Variants in IL1RAPL1 observed in about 807,000 individuals in gnomAD.
The protein encoded by IL1RAPL1 is interleukin 1 receptor accessory protein like 1, also known as interleukin-1 receptor accessory protein-like 1.
Under a neutral mutation model 48.4 loss-of-function variants are expected in IL1RAPL1, and 3 were observed. That is an observed-to-expected ratio of 0.06 (90% CI 0.03 to 0.16). The LOEUF is 0.16. Among genes scored for constraint, IL1RAPL1 ranks in the 10% least tolerant of loss-of-function variants. IL1RAPL1 has a pLI of 1.00. For missense variants in IL1RAPL1, 349 were observed against 530.6 expected (o/e 0.66, Z 3.36); for synonymous variants, 185 against 187.7 (o/e 0.99, Z 0.12).
intron 6 of IL1RAPL1, among the ~76,000 whole-genome samples, chrX:29,761,339 AC>A (rs1439695194): frequency 9.1e-6 from 1 of 110,231 alleles, no homozygotes; most frequent in Non-Finnish European, 1.9e-5. Flanking sequence ...AGTATATGAC[AC>A]CCCCCCACCA....
intron 2 of IL1RAPL1, among the ~76,000 whole-genome samples, chrX:28,839,884 A>T (rs989186694): frequency 1.1e-5 from 1 of 90,781 alleles, no homozygotes; most frequent in Non-Finnish European, 2.0e-5. Context: ...CTCTGTTAAT[A>T]AAAAAAATCA....
Position 29,803,585 on chromosome X carries a change from C to A in IL1RAPL1, c.779-113879C>A, listed in dbSNP as rs778108133. ...TGTATATATGTATACATATATGTAT[C>A]CATATATGTGTGTGTATATATACAC... is the stretch of plus-strand genomic sequence containing the variant. On this transcript the variant is annotated intron_variant, in intron 6 of 10. Coordinates refer to ENST00000378993, the MANE Select transcript of IL1RAPL1 (RefSeq NM_014271.4). 1.1e-3 allele frequency among the ~76,000 whole-genome samples: 103 copies of A among 96,881 alleles called. 2 individuals are homozygous for A. The South Asian group carries it at 0.015, about 14-fold the overall frequency. The allele number at this position is 96,881 out of a possible 115,157, so 84.1% of individuals were successfully genotyped here. A position where few individuals can be genotyped will look rare whatever the true frequency, so the allele number is the denominator to read the frequency against.
At chrX:28,970,261 C>A (rs750110433) in intron 2 of IL1RAPL1, among the ~76,000 whole-genome samples, 2 of 112,523 alleles carry the variant, frequency 1.8e-5, no homozygotes, top group South Asian at 7.3e-4. Flanking sequence ...CTTGGCTTCC[C>A]TAAGTGCTGG....
intron 6 of IL1RAPL1, among the ~76,000 whole-genome samples, chrX:29,734,796 G>A (rs1472892142): frequency 2.7e-5 from 3 of 111,354 alleles, no homozygotes; most frequent in African/African-American, 9.8e-5. Flanking sequence ...GAGCTGAATA[G>A]AGATTACAAT....
intron 6 of IL1RAPL1, among the ~76,000 whole-genome samples, chrX:29,890,895 C>G (rs984900785): frequency 8.9e-6 from 1 of 112,219 alleles, no homozygotes; most frequent in Non-Finnish European, 1.9e-5. Context: ...CTAAACCCTA[C>G]CTCTAGTGTC....
intron 6 of IL1RAPL1, among the ~76,000 whole-genome samples, chrX:29,784,040 A>G (rs1325783795): frequency 8.9e-6 from 1 of 111,878 alleles, no homozygotes; most frequent in African/African-American, 3.3e-5. Flanking sequence ...TCTGGAGGAT[A>G]AATGCCTATT....
chrX:29,092,590 A>G (rs2147457159), intron 2 of IL1RAPL1, among the ~76,000 whole-genome samples: 1 of 112,274 alleles, frequency 8.9e-6, no homozygotes, highest in African/African-American at 3.2e-5. Flanking sequence ...AATAGTAAAC[A>G]ACCATTTAAA....
At chrX:28,746,899 A>AT (rs1159653709) in intron 1 of IL1RAPL1, among the ~76,000 whole-genome samples, 1 of 110,849 alleles carries the variant, frequency 9.0e-6, no homozygotes, top group African/African-American at 3.3e-5. Context: ...AATTTTATTC[A>AT]TTTTGCCATT....
At chrX:29,329,831 C>G (rs1042671968) in intron 3 of IL1RAPL1, among the ~76,000 whole-genome samples, 3 of 99,389 alleles carry the variant, frequency 3.0e-5, no homozygotes, top group Non-Finnish European at 6.1e-5. Flanking sequence ...AAAAAAAAAA[C>G]AACTACTGAT....
At chrX:29,895,910 G>T (rs1932374763) in intron 6 of IL1RAPL1, among the ~76,000 whole-genome samples, 1 of 111,647 alleles carries the variant, frequency 9.0e-6, no homozygotes, top group African/African-American at 3.3e-5. Flanking sequence ...GCCCATTCTT[G>T]CATGTATAGT....
chrX:28,691,178 CT>C lies in IL1RAPL1; in HGVS notation c.-24-98141del, dbSNP rs1369874243. Among the ~76,000 whole-genome samples the C allele has an allele frequency of 2.7e-5, 3 of 110,847 alleles. No individual in the cohort carries two copies. In the Admixed American group the frequency reaches 2.9e-4, roughly 11 times the overall value. On this transcript the variant is annotated intron_variant, in intron 1 of 10. Coordinates refer to ENST00000378993, the MANE Select transcript of IL1RAPL1 (RefSeq NM_014271.4). Reference sequence around the variant, plus strand: ...CTTATCTCCCTCCCCACCCCTGCCCCTGATATGCCATCTTACTCTCTGAATT... The same window carrying C: ...CTTATCTCCCTCCCCACCCCTGCCCCGATATGCCATCTTACTCTCTGAATT...
chrX:29,619,231 G>A (rs1924387096), intron 5 of IL1RAPL1, among the ~76,000 whole-genome samples: 1 of 111,681 alleles, frequency 9.0e-6, no homozygotes, highest in South Asian at 3.7e-4. Context: ...AACTAATCCT[G>A]ATTTTTAAAA....
At chrX:28,753,761 T>G (rs1164762037) in intron 1 of IL1RAPL1, among the ~76,000 whole-genome samples, 1 of 112,340 alleles carries the variant, frequency 8.9e-6, no homozygotes, top group Non-Finnish European at 1.9e-5. Flanking sequence ...TATTGAGCCA[T>G]GAAGGCAATT....
intron 1 of IL1RAPL1, among the ~76,000 whole-genome samples, chrX:28,757,300 G>A (rs1055732856): frequency 1.8e-5 from 2 of 112,505 alleles, no homozygotes; most frequent in African/African-American, 6.5e-5. Flanking sequence ...AAAACAACAA[G>A]CGAATAAGAA....
intron 2 of IL1RAPL1, among the ~76,000 whole-genome samples, chrX:28,907,706 A>G (rs1458919208): frequency 2.7e-5 from 3 of 112,437 alleles, no homozygotes; most frequent in Non-Finnish European, 5.6e-5. Context: ...GATAGCTTTT[A>G]TTTGTTGTAA....
chrX:29,039,785 C>CAAA (rs35505034), intron 2 of IL1RAPL1, among the ~76,000 whole-genome samples: 7 of 61,879 alleles, frequency 1.1e-4, no homozygotes, highest in Non-Finnish European at 1.5e-4. Flanking sequence ...TAACAATCCT[C>CAAA]AAAAAAAAAA....
At chrX:29,497,446 A>G (rs185893597) in intron 5 of IL1RAPL1, among the ~76,000 whole-genome samples, 5 of 111,910 alleles carry the variant, frequency 4.5e-5, no homozygotes, top group Non-Finnish European at 3.8e-5. Context: ...AATTAATAAT[A>G]TTCTTCCATG....
chrX:29,594,304 A>G (rs1057033480), intron 5 of IL1RAPL1, among the ~76,000 whole-genome samples: 2 of 111,895 alleles, frequency 1.8e-5, no homozygotes, highest in South Asian at 3.7e-4. Flanking sequence ...AATCGAAGCT[A>G]TAAGTTGTAC....
intron 3 of IL1RAPL1, among the ~76,000 whole-genome samples, chrX:29,328,124 T>C (rs987379822): frequency 8.9e-6 from 1 of 112,030 alleles, no homozygotes; most frequent in African/African-American, 3.2e-5. Flanking sequence ...TTTTGTTGCT[T>C]CTCCTAGCCT....
Sources: gnomAD v4.1 joint callset for allele counts (sites outside exome capture counted in the v4.1 genomes callset) on GRCh38, gnomAD v4.1.1 for gene constraint, MANE v1.5 for transcripts, NCBI Gene and HGNC (gene_info 2026-07-23, HGNC 2026-07-21) for gene names.